PNLDC1: variants seen among roughly 807,000 people sequenced by gnomAD.
PNLDC1 encodes poly(A)-specific ribonuclease PNLDC1.
A neutral mutation model predicts 82.0 loss-of-function variants in PNLDC1; 70 were observed. The ratio of observed to expected loss-of-function variants is 0.85; its 90% CI spans 0.70 to 1.04. The LOEUF (loss-of-function observed/expected upper bound fraction) is 1.04. Ranked by LOEUF, PNLDC1 falls within the 50% of genes least tolerant of loss-of-function variation. The probability of loss-of-function intolerance (pLI) is 0.00; values close to 1 mark genes in which losing one functional copy is unlikely to be tolerated. For missense variants in PNLDC1, 631 were observed against 661.1 expected (o/e 0.95, Z 0.50); for synonymous variants, 280 against 249.3 (o/e 1.12, Z -1.16).
chr6:159,813,373 G>GT (rs1244141752), intron 11 of PNLDC1, among the ~76,000 whole-genome samples: 3 of 152,084 alleles, frequency 2.0e-5, no homozygotes, highest in African/African-American at 7.2e-5. Flanking sequence ...TGTGTGTAGA[G>GT]TTTTTTTCTA....
At chr6:159,800,936 G>C in intron 2 of PNLDC1, 107 bp downstream of exon 2, 2 of 1,533,892 alleles carry the variant, frequency 1.3e-6, no homozygotes, top group South Asian at 2.2e-5. Flanking sequence ...TGTGTGGCTT[G>C]CTCCTACGTG....
chr6:159,803,827 C>A, intron 4 of PNLDC1, 138 bp from the exon 5 acceptor site: 2 of 975,610 alleles, frequency 2.0e-6, no homozygotes, highest in Non-Finnish European at 3.0e-6. Flanking sequence ...CCAATCATAG[C>A]TCCTGAAACA....
At position 159,819,209 on chromosome 6, in the gene PNLDC1, C is replaced by T. The variant is rs778760299; in HGVS notation, c.1434-45C>T. On this transcript the variant is annotated intron_variant, in intron 17 of 18. Coordinates refer to ENST00000392167, the MANE Select transcript of PNLDC1 (RefSeq NM_001271862.2). This position sits in a 1 kb window ranked among gnomAD's most constrained non-coding sequence, Gnocchi z 4.6. ...CCACCCGCCTGATCACAGCAGGCGG[C>T]GCCATCCTGCTGCCTGGCTGACCAC... 143 of 1,608,950 alleles carry T rather than the reference C, an allele frequency of 8.9e-5. No individual in the cohort carries two copies. The highest frequency in any genetic ancestry group is 1.0e-4 in the Non-Finnish European group (119 of 1,176,314).
intron 2 of PNLDC1, 127 bp downstream of exon 2, chr6:159,800,956 C>A (rs1295663236): frequency 4.2e-6 from 6 of 1,441,294 alleles, no homozygotes; most frequent in Non-Finnish European, 5.8e-6. Flanking sequence ...GTTGGAGGAC[C>A]TTGCTTTTTT....
chr6:159,813,062 G>T (rs1001663515), intron 11 of PNLDC1, among the ~76,000 whole-genome samples: 1 of 152,082 alleles, frequency 6.6e-6, no homozygotes, highest in South Asian at 2.1e-4. Flanking sequence ...CAGAGAAGGG[G>T]GCATCAGATC....
chr6:159,804,500 C>A, intron 5 of PNLDC1, 49 bp from the exon 6 acceptor site: 1 of 1,279,934 alleles, frequency 7.8e-7, no homozygotes, highest in Non-Finnish European at 1.1e-6. Flanking sequence ...ACAGAGGATC[C>A]CTCTGACTTG....
intron 13 of PNLDC1, 141 bp from the exon 14 acceptor site, chr6:159,816,402 A>G (rs537504721): frequency 2.6e-6 from 2 of 780,242 alleles, no homozygotes; most frequent in Admixed American, 1.8e-5. Context: ...ACCAAGGTGA[A>G]GTTGGTGTGT....
At chr6:159,800,851 C>G (rs753664763) in intron 2 of PNLDC1, 22 bp downstream of exon 2, 2 of 1,613,902 alleles carry the variant, frequency 1.2e-6, no homozygotes, top group Admixed American at 1.7e-5. Flanking sequence ...GCTGTGTCCC[C>G]TCTGTATAAG....
intron 11 of PNLDC1, 44 bp from the exon 12 acceptor site, chr6:159,813,557 A>G: frequency 1.3e-6 from 2 of 1,561,292 alleles, no homozygotes; most frequent in Non-Finnish European, 1.8e-6. Flanking sequence ...GAGAATAAAC[A>G]AAAGCGCAAA....
rs559273497 is a variant in PNLDC1, at chr6:159,803,968, T to C, written c.252T>C (p.Tyr84=). The change falls in exon 5 of 19, where the codon TAT becomes TAC. Residue 84 remains tyrosine (Y), a synonymous_variant. Coordinates refer to ENST00000392167, the MANE Select transcript of PNLDC1 (RefSeq NM_001271862.2). ...FSAIEGEANK[Y]IAHSCNFYLF... is the part of the protein sequence containing the mutation. ...CTGTATGTTTGTTTTATTATAGGTA[T>C]ATAGCCCATTCTTGTAACTTCTATC... 5.6e-6 allele frequency: 9 copies of C among 1,613,552 alleles called. No homozygotes were observed. In the East Asian group the frequency reaches 1.1e-4, roughly 20 times the overall value.
chr6:159,819,441 G>A lies in PNLDC1; in HGVS notation c.1532+89G>A. The stretch of plus-strand genomic sequence containing the variant: ...CCCAGCATGGTCTGACTCGAGCACA[G>A]CTCACTTGCTGGTGTGTGTTGCCAA... On this transcript the variant is annotated intron_variant, in intron 18 of 18. Coordinates refer to ENST00000392167, the MANE Select transcript of PNLDC1 (RefSeq NM_001271862.2). The surrounding 1 kb of genome is among the most constrained non-coding windows in gnomAD (Gnocchi z 4.6). 1 of 1,154,372 alleles carries A rather than the reference G, an allele frequency of 8.7e-7. No individual in the cohort carries two copies. The highest frequency in any genetic ancestry group is 1.4e-5 in the South Asian group (1 of 71,222). The allele number at this position is 1,154,372 out of a possible 1,614,324, so 71.5% of individuals were successfully genotyped here.
chr6:159,818,743 G>A, intron 16 of PNLDC1, 89 bp downstream of exon 16: 1 of 1,366,212 alleles, frequency 7.3e-7, no homozygotes, highest in South Asian at 1.2e-5. Context: ...ACTCGTGAGA[G>A]GGATTTCGGT....
chr6:159,803,229 G>A (rs1781326628), intron 3 of PNLDC1, 42 bp from the exon 4 acceptor site: 1 of 1,602,598 alleles, frequency 6.2e-7, no homozygotes, highest in Non-Finnish European at 8.5e-7. Context: ...AATTCAGGTT[G>A]CTTTTCCTTG....
At chr6:159,800,255 AGCACGT>A, upstream of PNLDC1, 1 of 794,406 alleles carries the variant, frequency 1.3e-6, no homozygotes, top group South Asian at 2.9e-5. Context: ...GCGCGTGGGC[AGCACGT>A]GGGCAGCACG....
rs1268634940 is a variant in PNLDC1 at position 159,806,018 on chromosome 6, A to G, written c.497A>G (p.Asp166Gly). The G allele has an allele frequency of 1.9e-6, 3 of 1,614,070 alleles. No homozygotes were observed. Among genetic ancestry groups the G allele is most frequent in the African/African-American group, 2.7e-5 (2 of 74,922 alleles). Residue 166 changes from aspartate (D) to glycine (G), a missense_variant, in exon 7 of 19, where the codon GAC (aspartate) becomes GGC (glycine). Coordinates refer to ENST00000392167, the MANE Select transcript of PNLDC1 (RefSeq NM_001271862.2). ...AAAGACCAAATCAAGGTGGTGATTG[A>G]CGAAGTGACGCGGTGGCTGGAGCTG... ...PDKDQIKVVI[D>G]EVTRWLELAK...
chr6:159,804,641 T>C lies in PNLDC1; in HGVS notation c.461+4T>C. ...CTGGGAACTGGAGAGTTCGCAGGTA[T>C]GGCCTGTTTCTCCAGGTGCCTTTTT... On this transcript the variant is annotated splice_donor_region_variant and intron_variant, in intron 6 of 18. Transcript: ENST00000392167. 6.3e-7 allele frequency: 1 copy of C among 1,592,500 alleles called. No individual in the cohort carries two copies. Among genetic ancestry groups the C allele is most frequent in the Non-Finnish European group, 8.6e-7 (1 of 1,162,072 alleles).
At chr6:159,809,717 A>G (rs1022099384) in intron 9 of PNLDC1, among the ~76,000 whole-genome samples, 1 of 152,234 alleles carries the variant, frequency 6.6e-6, no homozygotes, top group Non-Finnish European at 1.5e-5. Context: ...TCCGTAACAC[A>G]GGAATTTCAG....
At chr6:159,803,344 T>C in intron 4 of PNLDC1, 34 bp downstream of exon 4, 1 of 1,587,398 alleles carries the variant, frequency 6.3e-7, no homozygotes, top group South Asian at 1.1e-5. Flanking sequence ...ACATAGGTGC[T>C]TCCCACCTAT....
chr6:159,818,258 G>C (rs910313730), intron 15 of PNLDC1, among the ~76,000 whole-genome samples: 1 of 152,180 alleles, frequency 6.6e-6, no homozygotes. Flanking sequence ...CTGAATAGTG[G>C]CCTCGCACTG....
Sources: gnomAD v4.1 joint callset for allele counts (sites outside exome capture counted in the v4.1 genomes callset) on GRCh38, gnomAD v4.1.1 for gene constraint, Gnocchi (gnomAD v3.1) non-coding constraint, MANE v1.5 for transcripts, NCBI Gene and HGNC (gene_info 2026-07-23, HGNC 2026-07-21) for gene names.